Variants in PLEKHB2 observed in about 807,000 individuals in gnomAD.
PLEKHB2 encodes pleckstrin homology domain containing B2, also known as pleckstrin homology domain-containing family B member 2.
A neutral mutation model predicts 36.5 loss-of-function variants in PLEKHB2; 31 were observed. That is an observed-to-expected ratio of 0.85 (90% CI 0.64 to 1.15). PLEKHB2 has a LOEUF of 1.15. Ranked by LOEUF, PLEKHB2 falls within the 50% of genes most tolerant of loss-of-function variation. PLEKHB2 has a pLI of 0.00. For synonymous variants in PLEKHB2, 119 were observed against 112.0 expected, an observed-to-expected ratio of 1.06 and a Z score of -0.39; for missense variants, 262 against 295.3, an observed-to-expected ratio of 0.89 and a Z score of 0.83.
chr2:131,119,836 TTGTTCTTTTTTCTGTG>T (rs766312237), intron 1 of PLEKHB2, among the ~76,000 whole-genome samples: 17 of 152,174 alleles, frequency 1.1e-4, no homozygotes, highest in South Asian at 8.3e-4. Flanking sequence ...TACGAGTTTG[TTGTTCTTTTTTCTGTG>T]TGTTCTTTTT....
chr2:131,115,689 T>TTGTCC (rs1695804404), intron 1 of PLEKHB2, among the ~76,000 whole-genome samples: 1 of 152,162 alleles, frequency 6.6e-6, no homozygotes, highest in Non-Finnish European at 1.5e-5. Context: ...TCTACTGTAA[T>TTGTCC]ATATCTCATT....
chr2:131,106,260 C>G (rs1694720752), intron 1 of PLEKHB2, among the ~76,000 whole-genome samples: 1 of 152,126 alleles, frequency 6.6e-6, no homozygotes, highest in African/African-American at 2.4e-5. Context: ...CAAAATAATA[C>G]TGACTCATGG....
At chr2:131,142,920 A>G (rs1573635207) in intron 7 of PLEKHB2, among the ~76,000 whole-genome samples, 2 of 151,930 alleles carry the variant, frequency 1.3e-5, no homozygotes, top group South Asian at 4.1e-4. Flanking sequence ...GCAGGCCCCA[A>G]CTCAGGATGG....
intron 2 of PLEKHB2, among the ~76,000 whole-genome samples, chr2:131,123,763 T>TCC (rs1300845665): frequency 4.8e-5 from 1 of 21,040 alleles, no homozygotes; most frequent in Admixed American, 5.4e-4. Flanking sequence ...GACCTCCTGG[T>TCC]CCACCCCCCC....
rs1699442136 is a variant in PLEKHB2 at position 131,148,245 on chromosome 2, A to C, written c.*1472A>C. 1.3e-5 allele frequency: 2 copies of C among 152,188 alleles called. No individual in the cohort carries two copies. Among genetic ancestry groups the C allele is most frequent in the Non-Finnish European group, 2.9e-5 (2 of 68,026 alleles). 9.4% of individuals were successfully genotyped at this position (152,188 alleles called of 1,614,324 possible). A position where few individuals can be genotyped will look rare whatever the true frequency, so the allele number is the denominator to read the frequency against. ...TGTTCTTGATCTCTTTGTGATAGAG[A>C]AGCTTAGAACATTGAATTTGGAACC... On this transcript the variant is annotated 3_prime_UTR_variant, in exon 8 of 8. Transcript: ENST00000693505.
chr2:131,112,088 A>C lies in PLEKHB2; in HGVS notation c.-9+6690A>C, dbSNP rs534470436. ...TGGGAGCTGGTCATCTGAAACACCT[A>C]TGCGACTTTAGAGGGTTGGAACTTT... On this transcript the variant is annotated intron_variant, in intron 1 of 7. Transcript: ENST00000693505. 3.7e-4 allele frequency among the ~76,000 whole-genome samples: 57 copies of C among 152,302 alleles called. No homozygotes were observed. In the Middle Eastern group the frequency reaches 0.017, roughly 45 times the overall value.
In PLEKHB2 at chr2:131,115,127, A is replaced by G. The variant is rs750680442; in HGVS notation, c.-8-5807A>G. On this transcript the variant is annotated intron_variant, in intron 1 of 7. Transcript: ENST00000693505. The stretch of plus-strand genomic sequence containing the variant: ...AATGAGGAACAAAGTCATGTCTTAC[A>G]TGGTGGCAGGCAAGAGAACTTGTGC... Among the ~76,000 whole-genome samples, 18 of 152,252 alleles carry G rather than the reference A, an allele frequency of 1.2e-4. 1 individual carries two copies. In the South Asian group the frequency reaches 1.9e-3, roughly 16 times the overall value.
chr2:131,114,766 G>C (rs1695682528), intron 1 of PLEKHB2, among the ~76,000 whole-genome samples: 1 of 152,078 alleles, frequency 6.6e-6, no homozygotes. Context: ...GACCAGTGCA[G>C]CCTGGACCTT....
At position 131,120,509 on chromosome 2, in the gene PLEKHB2, C is replaced by T. The variant is rs1696394985; in HGVS notation, c.-8-425C>T. The T allele has an allele frequency of 2.2e-5, 4 of 184,812 alleles. No homozygotes were observed. In the South Asian group the frequency reaches 5.5e-4, roughly 25 times the overall value. 11.4% of individuals were successfully genotyped at this position (184,812 alleles called of 1,614,324 possible). ...TTTTGTTTTTTTGCCCTGACCTGGC[C>T]ACTCCACGTCACTCACTGCTGACAC... On this transcript the variant is annotated intron_variant, in intron 1 of 7. Coordinates refer to ENST00000693505, the MANE Select transcript of PLEKHB2 (RefSeq NM_001100623.2).
intron 3 of PLEKHB2, 85 bp from the exon 4 acceptor site, chr2:131,126,599 C>T: frequency 1.3e-6 from 1 of 779,038 alleles, no homozygotes; most frequent in Non-Finnish European, 2.3e-6. Context: ...ATTGTCTAGT[C>T]CTTTGCTTCT....
intron 4 of PLEKHB2, among the ~76,000 whole-genome samples, chr2:131,129,575 G>A (rs1435423729): frequency 6.6e-6 from 1 of 152,062 alleles, no homozygotes; most frequent in African/African-American, 2.4e-5. Context: ...TATAATCTCC[G>A]CTCATTGCAA....
At chr2:131,128,467 T>A (rs369163778) in intron 4 of PLEKHB2, among the ~76,000 whole-genome samples, 1 of 152,246 alleles carries the variant, frequency 6.6e-6, no homozygotes, top group South Asian at 2.1e-4. Context: ...TGTATCTCCC[T>A]GTCCCCATAC....
chr2:131,128,615 G>T (rs760938977), intron 4 of PLEKHB2, among the ~76,000 whole-genome samples: 69 of 152,170 alleles, frequency 4.5e-4, no homozygotes, highest in Non-Finnish European at 7.8e-4. Context: ...TGTCAAGAGG[G>T]TGCCATTCAC....
In PLEKHB2 at chr2:131,148,677, C is replaced by G. The variant is rs16856546; in HGVS notation, c.*1904C>G. ...GATGACCACGGGTCTGCTTTTCTCT[C>G]TGATCCTAGGGGACTTGTTGACATG... On this transcript the variant is annotated 3_prime_UTR_variant, in exon 8 of 8. Coordinates refer to ENST00000693505, the MANE Select transcript of PLEKHB2 (RefSeq NM_001100623.2). The G allele has an allele frequency of 0.18, 27,756 of 152,066 alleles. 3,102 individuals are homozygous for G. Among genetic ancestry groups the G allele is most frequent in the African/African-American group, 0.32 (13,313 of 41,446 alleles). The allele number at this position is 152,066 out of a possible 1,614,324, so 9.4% of individuals were successfully genotyped here.
At chr2:131,121,044 A>G (rs2104836230) in intron 2 of PLEKHB2, 66 bp downstream of exon 2, 1 of 1,492,016 alleles carries the variant, frequency 6.7e-7, no homozygotes, top group Non-Finnish European at 9.3e-7. Flanking sequence ...CTGTTTGCTT[A>G]AAGTTGATCA....
At chr2:131,135,432 C>G (rs1245024658) in intron 6 of PLEKHB2, among the ~76,000 whole-genome samples, 2 of 152,186 alleles carry the variant, frequency 1.3e-5, no homozygotes, top group Non-Finnish European at 2.9e-5. Context: ...TTGGGATATA[C>G]TACATAGGCA....
At chr2:131,126,130 CAG>C (rs1472216081) in intron 3 of PLEKHB2, among the ~76,000 whole-genome samples, 5 of 152,132 alleles carry the variant, frequency 3.3e-5, no homozygotes, top group Admixed American at 2.6e-4. Flanking sequence ...GAGAGGGAGC[CAG>C]AGCTCTGGGA....
At chr2:131,144,376 TTTGG>T in intron 7 of PLEKHB2, 3 of 1,187,924 alleles carry the variant, frequency 2.5e-6, no homozygotes, top group Non-Finnish European at 3.2e-6. Context: ...AGTTGGCTCC[TTTGG>T]TTGGAGTCTT....
intron 1 of PLEKHB2, among the ~76,000 whole-genome samples, chr2:131,110,405 C>T (rs1695180049): frequency 6.6e-6 from 1 of 151,172 alleles, no homozygotes; most frequent in African/African-American, 2.4e-5. Flanking sequence ...CCGAATCCTA[C>T]TCTGTCGCCC....
Sources: allele counts gnomAD v4.1 joint callset (sites outside exome capture counted in the v4.1 genomes callset), GRCh38; gene constraint gnomAD v4.1.1; transcripts MANE v1.5; gene names NCBI Gene and HGNC (gene_info 2026-07-23, HGNC 2026-07-21).